The following PCDH15 variants were observed in gnomAD, a reference collection of about 807,000 sequenced individuals.
The protein encoded by PCDH15 is protocadherin-15.
Under a neutral mutation model 178.5 loss-of-function variants are expected in PCDH15, and 129 were observed. The observed-to-expected ratio is 0.72, with a 90% confidence interval of 0.63 to 0.84. The LOEUF is 0.84. Ranked by LOEUF, PCDH15 falls within the 40% of genes least tolerant of loss-of-function variation. The pLI is 0.00. For missense variants in PCDH15, 2,230 were observed against 2,099.9 expected (o/e 1.06, Z -1.21); for synonymous variants, 800 against 732.0 (o/e 1.09, Z -1.50).
At chr10:54,022,622 T>C (rs1263486192) in intron 19 of PCDH15, among the ~76,000 whole-genome samples, 1 of 152,150 alleles carries the variant, frequency 6.6e-6, no homozygotes, top group Non-Finnish European at 1.5e-5. Flanking sequence ...AATATTACTT[T>C]TGTAAATTAA....
intron 13 of PCDH15, among the ~76,000 whole-genome samples, chr10:54,177,741 C>G (rs1379105568): frequency 1.3e-5 from 2 of 152,102 alleles, no homozygotes; most frequent in Non-Finnish European, 2.9e-5. Context: ...CCTGTGGAAC[C>G]TAAAGATTAA....
rs566158556 is a variant in PCDH15, at chr10:54,026,632, A to T, written c.2221-3435T>A. On this transcript the variant is annotated intron_variant, in intron 18 of 37. Transcript: ENST00000644397. ...CTACAATATCTTTGGCTCTGTTTAT[A>T]TGCTGGATTACATTTACTGATTTGC... Among the ~76,000 whole-genome samples the T allele has an allele frequency of 4.6e-5, 7 of 152,298 alleles. No individual in the cohort carries two copies. In the East Asian group the frequency reaches 1.2e-3, roughly 25 times the overall value.
intron 2 of PCDH15, among the ~76,000 whole-genome samples, chr10:55,056,291 GTCTGATTTCA>G (rs1227166317): frequency 6.6e-6 from 1 of 152,028 alleles, no homozygotes; most frequent in Admixed American, 6.6e-5. Flanking sequence ...TTTCCCATTT[GTCTGATTTCA>G]TCTCAAAATA....
At chr10:54,836,941 A>G (rs1351959503) in intron 3 of PCDH15, among the ~76,000 whole-genome samples, 1 of 152,082 alleles carries the variant, frequency 6.6e-6, no homozygotes, top group Non-Finnish European at 1.5e-5. Context: ...TAAAAATTCT[A>G]ACAAATGGAT....
intron 2 of PCDH15, among the ~76,000 whole-genome samples, chr10:55,331,276 G>T (rs1211709662): frequency 6.6e-6 from 1 of 151,858 alleles, no homozygotes; most frequent in Non-Finnish European, 1.5e-5. Flanking sequence ...ATATTTTTAA[G>T]AATGATTTGT....
chr10:54,063,677 G>A (rs1174514488), intron 18 of PCDH15, among the ~76,000 whole-genome samples: 1 of 152,168 alleles, frequency 6.6e-6, no homozygotes, highest in East Asian at 1.9e-4. Flanking sequence ...CTTGGCTCAT[G>A]CTACTGGGCT....
At chr10:55,288,462 T>C (rs894457088) in intron 1 of PCDH15, among the ~76,000 whole-genome samples, 1 of 151,922 alleles carries the variant, frequency 6.6e-6, no homozygotes, top group South Asian at 2.1e-4. Flanking sequence ...GGTACTGTTG[T>C]GCAGAGGATC....
chr10:53,841,072 A>C (rs536788813), intron 28 of PCDH15, among the ~76,000 whole-genome samples: 2 of 152,344 alleles, frequency 1.3e-5, no homozygotes, highest in East Asian at 3.9e-4. Context: ...ATTTAGGTGA[A>C]TAAAAACAAC....
chr10:54,791,212 A>C (rs576462675), intron 1 of PCDH15, among the ~76,000 whole-genome samples: 26 of 152,032 alleles, frequency 1.7e-4, no homozygotes, highest in Admixed American at 1.5e-3. Flanking sequence ...TAAAAGAAAT[A>C]TGAGGTAGTA....
chr10:54,821,304 C>A (rs1415437931), intron 3 of PCDH15, among the ~76,000 whole-genome samples: 1 of 151,916 alleles, frequency 6.6e-6, no homozygotes, highest in Non-Finnish European at 1.5e-5. Flanking sequence ...TGAGCACAAC[C>A]TTATGTCAAA....
chr10:55,235,220 T>C (rs1199010605), intron 1 of PCDH15, among the ~76,000 whole-genome samples: 1 of 152,096 alleles, frequency 6.6e-6, no homozygotes. Context: ...AACGAGGACA[T>C]GAAAGTCATT....
At chr10:54,049,775 C>G (rs1019671699) in intron 18 of PCDH15, among the ~76,000 whole-genome samples, 1 of 152,088 alleles carries the variant, frequency 6.6e-6, no homozygotes, top group Non-Finnish European at 1.5e-5. Context: ...CACCCGCCAC[C>G]AAGCCTGGCT....
At chr10:54,091,551 G>A (rs1210174257) in intron 15 of PCDH15, among the ~76,000 whole-genome samples, 1 of 152,212 alleles carries the variant, frequency 6.6e-6, no homozygotes, top group South Asian at 2.1e-4. Context: ...TTGATGGCCA[G>A]AAGCCTCTCT....
chr10:54,806,117 T>C (rs1952773574), upstream of PCDH15, among the ~76,000 whole-genome samples: 1 of 152,184 alleles, frequency 6.6e-6, no homozygotes, highest in Non-Finnish European at 1.5e-5. Flanking sequence ...AGAGCTATCT[T>C]ATACTTTCCT....
chr10:54,671,965 G>A (rs1565905054), intron 1 of PCDH15, among the ~76,000 whole-genome samples: 1 of 152,152 alleles, frequency 6.6e-6, no homozygotes, highest in Non-Finnish European at 1.5e-5. Flanking sequence ...CCCATCATTC[G>A]CATTACCGCC....
chr10:55,558,293 T>C (rs190616658), intron 2 of PCDH15, among the ~76,000 whole-genome samples: 104 of 152,296 alleles, frequency 6.8e-4, no homozygotes, highest in African/African-American at 2.5e-3. Context: ...TGGGGACAAG[T>C]TGATGATATT....
At chr10:53,878,659 T>G (rs1396587034) in intron 26 of PCDH15, among the ~76,000 whole-genome samples, 1 of 151,732 alleles carries the variant, frequency 6.6e-6, no homozygotes, top group East Asian at 1.9e-4. Context: ...GTTACATAAA[T>G]GTGTGTGTAT....
intron 2 of PCDH15, among the ~76,000 whole-genome samples, chr10:55,343,399 C>T (rs1844656848): frequency 6.6e-6 from 1 of 152,106 alleles, no homozygotes; most frequent in Non-Finnish European, 1.5e-5. Context: ...GCCTTTACCT[C>T]CTTGTACTTT....
intron 8 of PCDH15, among the ~76,000 whole-genome samples, chr10:54,302,537 A>G (rs2060205112): frequency 6.6e-6 from 1 of 152,188 alleles, no homozygotes; most frequent in African/African-American, 2.4e-5. Context: ...CCACTATTTG[A>G]GGACACCACT....
Sources: allele counts gnomAD v4.1 joint callset (sites outside exome capture counted in the v4.1 genomes callset), GRCh38; gene constraint gnomAD v4.1.1; transcripts MANE v1.5; gene names NCBI Gene and HGNC (gene_info 2026-07-23, HGNC 2026-07-21).